NRXN1: variants seen among roughly 807,000 people sequenced by gnomAD.
The protein encoded by NRXN1 is neurexin 1.
A neutral mutation model predicts 150.9 loss-of-function variants in NRXN1; 39 were observed. The ratio of observed to expected loss-of-function variants is 0.26; its 90% CI spans 0.20 to 0.34. The LOEUF is 0.34. Ranked by LOEUF, NRXN1 falls within the 10% of genes least tolerant of loss-of-function variation. The pLI, the probability that NRXN1 is intolerant of heterozygous loss-of-function variation, is 1.00. For synonymous variants in NRXN1, 924 were observed against 757.0 expected, an observed-to-expected ratio of 1.22 and a Z score of -3.62; for missense variants, 1,815 against 1,949.9, an observed-to-expected ratio of 0.93 and a Z score of 1.30.
intron 5 of NRXN1, among the ~76,000 whole-genome samples, chr2:50,638,659 G>C (rs1330572699): frequency 1.3e-5 from 2 of 152,016 alleles, no homozygotes; most frequent in Non-Finnish European, 2.9e-5. Flanking sequence ...TTTTTTTGTT[G>C]TTGTTTTCTT....
At chr2:50,949,763 C>T (rs994451696) in intron 2 of NRXN1, among the ~76,000 whole-genome samples, 6 of 152,036 alleles carry the variant, frequency 3.9e-5, no homozygotes, top group African/African-American at 7.2e-5. Flanking sequence ...AAGCTTTTAC[C>T]GGCACAGCCA....
chr2:50,780,370 A>T (rs1028524028), intron 5 of NRXN1, among the ~76,000 whole-genome samples: 1 of 152,314 alleles, frequency 6.6e-6, no homozygotes, highest in Non-Finnish European at 1.5e-5. Context: ...TACAAAATAC[A>T]ACATAAAATT....
chr2:50,700,981 T>C (rs939359797), intron 5 of NRXN1, among the ~76,000 whole-genome samples: 1 of 152,094 alleles, frequency 6.6e-6, no homozygotes, highest in African/African-American at 2.4e-5. Context: ...TCAAGATTTT[T>C]AAAATCTCTT....
At chr2:50,033,233 A>G (rs1458252418) in intron 21 of NRXN1, among the ~76,000 whole-genome samples, 1 of 152,076 alleles carries the variant, frequency 6.6e-6, no homozygotes, top group African/African-American at 2.4e-5. Flanking sequence ...AGAATACTAC[A>G]GGGCTACAAT....
intron 5 of NRXN1, among the ~76,000 whole-genome samples, chr2:50,706,014 A>G (rs1694383348): frequency 1.3e-5 from 2 of 152,174 alleles, no homozygotes; most frequent in Non-Finnish European, 1.5e-5. Flanking sequence ...TCAGCAGTAG[A>G]CTAGTAGAAC....
chr2:50,998,178 A>G (rs1038027643), intron 2 of NRXN1, among the ~76,000 whole-genome samples: 1 of 141,630 alleles, frequency 7.1e-6, no homozygotes, highest in Non-Finnish European at 1.5e-5. Flanking sequence ...CAGTACTAAC[A>G]TTTTAACTCA....
chr2:50,837,199 A>G (rs1462501256), intron 5 of NRXN1, among the ~76,000 whole-genome samples: 1 of 152,186 alleles, frequency 6.6e-6, no homozygotes, highest in East Asian at 1.9e-4. Flanking sequence ...AATTCTTAAG[A>G]AACAACAAGT....
chr2:50,238,229 A>G (rs1262857569), intron 17 of NRXN1, among the ~76,000 whole-genome samples: 1 of 152,144 alleles, frequency 6.6e-6, no homozygotes, highest in Non-Finnish European at 1.5e-5. Context: ...TCCTGAATAG[A>G]ACCAAAAAAG....
chr2:50,157,358 CAG>C (rs1233039376), intron 18 of NRXN1, among the ~76,000 whole-genome samples: 1 of 151,974 alleles, frequency 6.6e-6, no homozygotes, highest in East Asian at 1.9e-4. Flanking sequence ...TATGTAAAGA[CAG>C]AATATAAAAA....
Position 50,568,869 on chromosome 2 carries a change from T to C in NRXN1, c.1321-15844A>G, listed in dbSNP as rs12329289. On this transcript the variant is annotated intron_variant, in intron 8 of 22. Transcript: ENST00000401669. ...ATGTTTATTGAAACACTAGTCACAATAGCCAAGATTTGGAAGCAACCTAAG... is the reference window on the plus strand; with the variant it reads ...ATGTTTATTGAAACACTAGTCACAACAGCCAAGATTTGGAAGCAACCTAAG... Among the ~76,000 whole-genome samples the C allele has an allele frequency of 4.2e-3, 646 of 152,232 alleles. 6 individuals are homozygous for C. The highest frequency in any genetic ancestry group is 0.015 in the African/African-American group (633 of 41,532).
At chr2:50,522,720 ATTTTTTTTT>A (rs869200431) in intron 12 of NRXN1, among the ~76,000 whole-genome samples, 1 of 47,726 alleles carries the variant, frequency 2.1e-5, no homozygotes, top group East Asian at 5.0e-4. Context: ...ATTTTTATTC[ATTTTTTTTT>A]TTTTTTTTTT....
chr2:50,201,283 CAT>C (rs1475903089), intron 18 of NRXN1, among the ~76,000 whole-genome samples: 2 of 152,104 alleles, frequency 1.3e-5, no homozygotes. Flanking sequence ...CGGAATCACA[CAT>C]AGAGTTCTAA....
intron 5 of NRXN1, among the ~76,000 whole-genome samples, chr2:50,722,115 T>C (rs979014552): frequency 5.9e-5 from 9 of 152,200 alleles, no homozygotes; most frequent in Non-Finnish European, 4.4e-5. Flanking sequence ...CCATAGACTC[T>C]ATCAATCTTT....
At chr2:50,125,126 T>C in intron 18 of NRXN1, among the ~76,000 whole-genome samples, 1 of 152,154 alleles carries the variant, frequency 6.6e-6, no homozygotes, top group East Asian at 1.9e-4. Flanking sequence ...TGGAACTGTC[T>C]CTAATCCTTT....
chr2:50,101,504 T>C (rs559044064), intron 18 of NRXN1, among the ~76,000 whole-genome samples: 4 of 152,036 alleles, frequency 2.6e-5, no homozygotes, highest in Admixed American at 6.6e-5. Context: ...CAAATTTCCA[T>C]AGCACAAAGC....
At chr2:50,246,550 T>C (rs969797471) in intron 17 of NRXN1, among the ~76,000 whole-genome samples, 3 of 152,040 alleles carry the variant, frequency 2.0e-5, no homozygotes, top group Non-Finnish European at 2.9e-5. Context: ...TTTACCTGAC[T>C]AGGCCCTCGT....
At chr2:50,952,579 G>A (rs1046546258) in intron 2 of NRXN1, among the ~76,000 whole-genome samples, 1 of 152,126 alleles carries the variant, frequency 6.6e-6, no homozygotes, top group African/African-American at 2.4e-5. Flanking sequence ...CATGATCTAT[G>A]CTACCACGGA....
At chr2:50,762,609 G>T (rs1292635245) in intron 5 of NRXN1, among the ~76,000 whole-genome samples, 1 of 151,832 alleles carries the variant, frequency 6.6e-6, no homozygotes, top group East Asian at 1.9e-4. Context: ...CACTGTTGCT[G>T]CATTTATTCA....
At chr2:50,507,360 C>T (rs993213762) in intron 12 of NRXN1, among the ~76,000 whole-genome samples, 5 of 147,766 alleles carry the variant, frequency 3.4e-5, no homozygotes, top group African/African-American at 5.0e-5. Flanking sequence ...GTAAGTGGAC[C>T]GAAGAAAAGG....
Sources: gnomAD v4.1 joint callset for allele counts (sites outside exome capture counted in the v4.1 genomes callset) on GRCh38, gnomAD v4.1.1 for gene constraint, MANE v1.5 for transcripts, NCBI Gene and HGNC (gene_info 2026-07-23, HGNC 2026-07-21) for gene names.